RABGAP1L: variants seen among roughly 807,000 people sequenced by gnomAD.
The protein encoded by RABGAP1L is rab GTPase-activating protein 1-like.
RABGAP1L carries 63 observed loss-of-function variants against 137.7 expected under a neutral mutation model. The observed-to-expected ratio is 0.46, with a 90% confidence interval of 0.37 to 0.56. RABGAP1L has a LOEUF of 0.56. Among genes scored for constraint, RABGAP1L ranks in the 20% least tolerant of loss-of-function variants. The pLI, the probability that RABGAP1L is intolerant of heterozygous loss-of-function variation, is 0.00. For missense variants in RABGAP1L, 1,095 were observed against 1,244.0 expected (o/e 0.88, Z 1.80); for synonymous variants, 431 against 433.7 (o/e 0.99, Z 0.08).
chr1:174,285,561 A>G (rs545030899), intron 10 of RABGAP1L, among the ~76,000 whole-genome samples: 25 of 151,692 alleles, frequency 1.6e-4, no homozygotes, highest in South Asian at 4.2e-4. Flanking sequence ...TTTCTATGTA[A>G]TAAGATCATG....
intron 19 of RABGAP1L, among the ~76,000 whole-genome samples, chr1:174,920,696 C>G (rs1422719047): frequency 6.6e-6 from 1 of 152,108 alleles, no homozygotes; most frequent in Non-Finnish European, 1.5e-5. Flanking sequence ...GGGGAAGGTT[C>G]TAATCCAATA....
rs567429517 is a variant in RABGAP1L, at chr1:174,314,613, CT to C, written c.1465+9493del. 5.4e-3 allele frequency among the ~76,000 whole-genome samples: 814 copies of C among 151,928 alleles called. 5 individuals are homozygous for C. Among genetic ancestry groups the C allele is most frequent in the Non-Finnish European group, 9.3e-3 (632 of 67,892 alleles). On this transcript the variant is annotated intron_variant, in intron 11 of 25. Coordinates refer to ENST00000681986, the MANE Select transcript of RABGAP1L (RefSeq NM_001366446.1). ...TTAGAAGGTTTATTTGAAGTTCTTC[CT>C]TTTTTTGATGTAGACAGTTATAGCT...
chr1:174,682,555 A>G (rs1038353514), intron 14 of RABGAP1L, among the ~76,000 whole-genome samples: 8 of 151,962 alleles, frequency 5.3e-5, no homozygotes, highest in Non-Finnish European at 1.0e-4. Flanking sequence ...CCAAACTTTT[A>G]CAGAAAAAGC....
At chr1:174,586,690 C>T (rs1017031520) in intron 13 of RABGAP1L, among the ~76,000 whole-genome samples, 10 of 152,192 alleles carry the variant, frequency 6.6e-5, no homozygotes, top group South Asian at 4.2e-4. Flanking sequence ...CTCCACCTCC[C>T]GAGTTCAAGC....
chr1:174,827,713 G>A lies in RABGAP1L; in HGVS notation c.2340+15753G>A, dbSNP rs572803397. On this transcript the variant is annotated intron_variant, in intron 19 of 25. Transcript: ENST00000681986. ...ACAGCTCCACCCTCCACTTCTATCAGCCCACTTGGTTGGCAAGGAATTTTC... is the reference window on the plus strand; with the variant it reads ...ACAGCTCCACCCTCCACTTCTATCAACCCACTTGGTTGGCAAGGAATTTTC... Among the ~76,000 whole-genome samples, 93 of 147,308 alleles carry A rather than the reference G, an allele frequency of 6.3e-4. 7 individuals are homozygous for A. Among genetic ancestry groups the A allele is most frequent in the African/African-American group, 2.2e-3 (90 of 40,458 alleles).
At chr1:174,432,180 TA>T (rs750148619) in intron 13 of RABGAP1L, among the ~76,000 whole-genome samples, 2 of 152,182 alleles carry the variant, frequency 1.3e-5, no homozygotes, top group Non-Finnish European at 2.9e-5. Flanking sequence ...ACCCAATATT[TA>T]CTTCCTACTT....
In RABGAP1L at chr1:174,756,132, G is replaced by T. The variant is rs191585357; in HGVS notation, c.2211+3778G>T. ...AGAGACAGAATTTCTCTTTTGACTG[G>T]TTTTTATCCTACTGTATGTGCCATA... On this transcript the variant is annotated intron_variant, in intron 18 of 25. Coordinates refer to ENST00000681986, the MANE Select transcript of RABGAP1L (RefSeq NM_001366446.1). 2.5e-3 allele frequency among the ~76,000 whole-genome samples: 375 copies of T among 152,176 alleles called. 3 individuals are homozygous for T. Among genetic ancestry groups the T allele is most frequent in the African/African-American group, 8.6e-3 (356 of 41,536 alleles).
chr1:174,790,981 A>G (rs1302888180), intron 18 of RABGAP1L, among the ~76,000 whole-genome samples: 2 of 152,090 alleles, frequency 1.3e-5, no homozygotes. Flanking sequence ...ACTTGAGGTC[A>G]GGAGTTCGAG....
intron 13 of RABGAP1L, among the ~76,000 whole-genome samples, chr1:174,514,237 T>G (rs117657708): frequency 5.2e-5 from 7 of 134,912 alleles, no homozygotes; most frequent in Non-Finnish European, 1.1e-4. Flanking sequence ...GCATGTGTTA[T>G]ATTTTAAGCC....
chr1:174,985,850 TA>T (rs1671544995), intron 24 of RABGAP1L, among the ~76,000 whole-genome samples: 2 of 152,222 alleles, frequency 1.3e-5, no homozygotes, highest in Non-Finnish European at 2.9e-5. Context: ...TTGGTGTCAT[TA>T]GTAACCCAAG....
At chr1:174,716,915 G>GT (rs1558012777) in intron 17 of RABGAP1L, among the ~76,000 whole-genome samples, 1 of 152,086 alleles carries the variant, frequency 6.6e-6, no homozygotes, top group Non-Finnish European at 1.5e-5. Context: ...CTTACTTCGT[G>GT]TAGTTGTTCT....
rs904809710 is a variant in RABGAP1L, at chr1:174,541,770, C to T, written c.1711-95605C>T. ...CAGCCTGGGTGACAGCACGAGACTC[C>T]GTCTCAAAAAAAAAAAAAGTTTTTA... is the stretch of plus-strand genomic sequence containing the variant. On this transcript the variant is annotated intron_variant, in intron 13 of 25. Transcript: ENST00000681986. Among the ~76,000 whole-genome samples the T allele has an allele frequency of 6.6e-5, 10 of 150,774 alleles. No homozygotes were observed. The East Asian group carries it at 7.8e-4, about 12-fold the overall frequency.
At chr1:174,276,142 A>T (rs552249176) in intron 9 of RABGAP1L, among the ~76,000 whole-genome samples, 1 of 152,036 alleles carries the variant, frequency 6.6e-6, no homozygotes, top group East Asian at 1.9e-4. Flanking sequence ...GTGAATTATT[A>T]TTATTGTTAT....
At chr1:174,484,273 G>A (rs902719471) in intron 13 of RABGAP1L, among the ~76,000 whole-genome samples, 2 of 152,142 alleles carry the variant, frequency 1.3e-5, no homozygotes, top group Admixed American at 1.3e-4. Context: ...CTATAGAGTT[G>A]TTTGAGAACC....
chr1:174,472,706 ATC>A (rs1316595089), intron 13 of RABGAP1L, among the ~76,000 whole-genome samples: 1 of 152,162 alleles, frequency 6.6e-6, no homozygotes, highest in Non-Finnish European at 1.5e-5. Flanking sequence ...CAGGGTTTTT[ATC>A]AAGAGCCCAT....
At position 174,377,369 on chromosome 1, in the gene RABGAP1L, G is replaced by A. The variant is rs543865664; in HGVS notation, c.1559+6297G>A. ...ACAAGCTGATTTTAAAATTTATATA[G>A]GAAGCAGAGTAACTAGAATAGCCAA... On this transcript the variant is annotated intron_variant, in intron 12 of 25. Coordinates refer to ENST00000681986, the MANE Select transcript of RABGAP1L (RefSeq NM_001366446.1). Among the ~76,000 whole-genome samples, 273 of 152,168 alleles carry A rather than the reference G, an allele frequency of 1.8e-3. 2 individuals are homozygous for A. The highest frequency in any genetic ancestry group is 6.3e-3 in the African/African-American group (260 of 41,514).
intron 13 of RABGAP1L, among the ~76,000 whole-genome samples, chr1:174,396,829 C>G (rs575977742): frequency 1.3e-5 from 2 of 152,032 alleles, no homozygotes; most frequent in African/African-American, 4.8e-5. Flanking sequence ...ATACAACTTG[C>G]AAAAAATACT....
chr1:174,784,212 AGTTTCACCGT>A, intron 18 of RABGAP1L, among the ~76,000 whole-genome samples: 1 of 150,616 alleles, frequency 6.6e-6, no homozygotes, highest in Non-Finnish European at 1.5e-5. Context: ...GTAGTGACGG[AGTTTCACCGT>A]GTTAGCCAGG....
chr1:174,984,695 T>C (rs1671436601), intron 24 of RABGAP1L, among the ~76,000 whole-genome samples: 1 of 152,110 alleles, frequency 6.6e-6, no homozygotes, highest in African/African-American at 2.4e-5. Flanking sequence ...TGAGCCGACA[T>C]TGTGCCACTG....
Sources: allele counts gnomAD v4.1 joint callset (sites outside exome capture counted in the v4.1 genomes callset), GRCh38; gene constraint gnomAD v4.1.1; transcripts MANE v1.5; gene names NCBI Gene and HGNC (gene_info 2026-07-23, HGNC 2026-07-21).